Variants in PCDHGA1 observed in about 807,000 individuals in gnomAD.
PCDHGA1 encodes the protein protocadherin gamma-A1.
In PCDHGA1, 32 loss-of-function variants were observed where a neutral mutation model predicts 58.0. That is an observed-to-expected ratio of 0.55 (90% CI 0.42 to 0.74). PCDHGA1 has a LOEUF of 0.74. Ranked by LOEUF, PCDHGA1 falls within the 30% of genes least tolerant of loss-of-function variation. The probability of loss-of-function intolerance (pLI) is 0.00; values close to 1 mark genes in which losing one functional copy is unlikely to be tolerated. For missense variants in PCDHGA1, 1,205 were observed against 1,182.3 expected (o/e 1.02, Z -0.28); for synonymous variants, 498 against 501.1 (o/e 0.99, Z 0.08).
chr5:141,442,472 C>T (rs1032989256), intron 1 of PCDHGA1: 1 of 152,204 alleles, frequency 6.6e-6, no homozygotes, highest in Non-Finnish European at 1.5e-5. Context: ...GCAGAAAGCC[C>T]CTTGGGGAAG....
At chr5:141,415,255 A>G (rs908329007) in intron 1 of PCDHGA1, 1 of 1,613,620 alleles carries the variant, frequency 6.2e-7, no homozygotes, top group African/African-American at 1.3e-5. Context: ...CTCAGACCTC[A>G]CTCTGTACCT....
At chr5:141,396,891 A>G (rs1216083648) in intron 1 of PCDHGA1, among the ~76,000 whole-genome samples, 1 of 152,228 alleles carries the variant, frequency 6.6e-6, no homozygotes, top group Non-Finnish European at 1.5e-5. Flanking sequence ...AGAGGACAAC[A>G]TATTATTGGC....
intron 1 of PCDHGA1, chr5:141,404,839 T>C: frequency 6.2e-7 from 1 of 1,613,458 alleles, no homozygotes; most frequent in Non-Finnish European, 8.5e-7. Context: ...TGCGCACAGC[T>C]CGGGCCCTGC....
chr5:141,374,535 G>C (rs752542327), intron 1 of PCDHGA1: 2 of 1,613,092 alleles, frequency 1.2e-6, no homozygotes, highest in African/African-American at 1.3e-5. Context: ...CCATCCTCTC[G>C]TTTTCCACTA....
intron 1 of PCDHGA1, chr5:141,410,353 C>T: frequency 1.9e-6 from 3 of 1,614,078 alleles, no homozygotes; most frequent in Non-Finnish European, 2.5e-6. Flanking sequence ...GCCTGCGACG[C>T]TCTCTCAGCC....
At chr5:141,381,826 C>CTTTTTTTTTTTTTTTTTTTTTTTTTT (rs770630741) in intron 1 of PCDHGA1, among the ~76,000 whole-genome samples, 2 of 74,292 alleles carry the variant, frequency 2.7e-5, no homozygotes, top group Non-Finnish European at 4.7e-5. Flanking sequence ...CTTTCTTCTT[C>CTTTTTTTTTTTTTTTTTTTTTTTTTT]TTTTTTTTTT....
intron 1 of PCDHGA1, among the ~76,000 whole-genome samples, chr5:141,472,967 C>G (rs1040253926): frequency 1.7e-5 from 1 of 58,336 alleles, no homozygotes; most frequent in South Asian, 5.1e-4. Flanking sequence ...GCCTGGGGAA[C>G]AAGAGTGAAA....
chr5:141,478,307 G>T, intron 1 of PCDHGA1: 3 of 1,614,056 alleles, frequency 1.9e-6, no homozygotes, highest in Non-Finnish European at 2.5e-6. Context: ...CCGAGCCCCG[G>T]TGAGCTCACT....
intron 1 of PCDHGA1, chr5:141,415,385 C>T (rs1388093443): frequency 3.7e-6 from 6 of 1,614,228 alleles, no homozygotes; most frequent in Non-Finnish European, 5.1e-6. Flanking sequence ...GGCGGCTTGA[C>T]AGGTGTGTCC....
Position 141,476,641 on chromosome 5 carries a change from C to A in PCDHGA1, c.2422-18166C>A, listed in dbSNP as rs1183948220. The A allele has an allele frequency of 1.2e-6, 2 of 1,614,256 alleles. No homozygotes were observed. The highest frequency in any genetic ancestry group is 1.7e-5 in the Admixed American group (1 of 60,030). On this transcript the variant is annotated intron_variant, in intron 1 of 3. Transcript: ENST00000517417. This position sits in a 1 kb window ranked among gnomAD's most constrained non-coding sequence, Gnocchi z 7.6. ...ACTCTTTACAAACCTATGAGCTGAG[C>A]CGAAATGAATACTTTGCGCTTCGCG... is the stretch of plus-strand genomic sequence containing the variant.
intron 1 of PCDHGA1, chr5:141,339,628 C>T (rs781428471): frequency 1.2e-6 from 2 of 1,614,190 alleles, no homozygotes. Context: ...ATGGGGGTGA[C>T]CCAGTGCTAT....
chr5:141,362,458 G>T (rs1762514954), intron 1 of PCDHGA1: 2 of 1,614,038 alleles, frequency 1.2e-6, no homozygotes, highest in Non-Finnish European at 1.7e-6. Flanking sequence ...CCCGGAATTG[G>T]TTCCCGCGCA....
rs2096779089 is a variant in PCDHGA1, at chr5:141,423,760, G to GA, written c.2422-71047_2422-71046insA. On this transcript the variant is annotated intron_variant, in intron 1 of 3. Transcript: ENST00000517417. ...GTTATGAAAACTGTTTGGGGGGGGG[G>GA]TGGGGCGGCATATATTTAGTTCATA... 1.1e-5 allele frequency: 3 copies of GA among 279,664 alleles called. 1 individual carries two copies. Among genetic ancestry groups the GA allele is most frequent in the African/African-American group, 6.7e-5 (2 of 29,702 alleles). The allele number at this position is 279,664 out of a possible 1,614,324, so 17.3% of individuals were successfully genotyped here.
intron 1 of PCDHGA1, among the ~76,000 whole-genome samples, chr5:141,336,171 G>A (rs1267234765): frequency 2.0e-5 from 3 of 152,120 alleles, no homozygotes; most frequent in Non-Finnish European, 4.4e-5. Context: ...GACAATAAAT[G>A]TAATAAAACC....
intron 1 of PCDHGA1, among the ~76,000 whole-genome samples, chr5:141,445,441 C>G (rs1201825256): frequency 6.6e-6 from 1 of 152,152 alleles, no homozygotes; most frequent in East Asian, 1.9e-4. Context: ...GACCTATGGA[C>G]TAAGGATGCA....
chr5:141,351,737 G>A (rs759972486), intron 1 of PCDHGA1: 1 of 1,613,678 alleles, frequency 6.2e-7, no homozygotes, highest in East Asian at 2.2e-5. Context: ...CAGTGACCTG[G>A]AGCCGCGGGA....
chr5:141,347,706 A>G (rs1466446378), intron 1 of PCDHGA1, among the ~76,000 whole-genome samples: 1 of 151,960 alleles, frequency 6.6e-6, no homozygotes, highest in Non-Finnish European at 1.5e-5. Context: ...AGAATTGCTT[A>G]AACCCAGGAG....
chr5:141,371,606 G>A, intron 1 of PCDHGA1: 2 of 1,614,010 alleles, frequency 1.2e-6, no homozygotes, highest in South Asian at 2.2e-5. Context: ...CATACAGGTT[G>A]GTGACAGATG....
chr5:141,425,836 C>T (rs568578402), intron 1 of PCDHGA1, among the ~76,000 whole-genome samples: 1 of 152,344 alleles, frequency 6.6e-6, no homozygotes, highest in East Asian at 1.9e-4. Context: ...TTTAAATTCT[C>T]TTTGCTGGGT....
Sources: gnomAD v4.1 joint callset for allele counts (sites outside exome capture counted in the v4.1 genomes callset) on GRCh38, gnomAD v4.1.1 for gene constraint, Gnocchi (gnomAD v3.1) non-coding constraint, MANE v1.5 for transcripts, NCBI Gene and HGNC (gene_info 2026-07-23, HGNC 2026-07-21) for gene names.